MRTFB: variants seen among roughly 807,000 people sequenced by gnomAD.
MRTFB encodes the protein myocardin-related transcription factor B.
A neutral mutation model predicts 104.2 loss-of-function variants in MRTFB; 29 were observed. That is an observed-to-expected ratio of 0.28 (90% confidence interval 0.21 to 0.38). The LOEUF (loss-of-function observed/expected upper bound fraction) is 0.38, where lower values mean the gene tolerates loss of function less well. Among genes scored for constraint, MRTFB ranks in the 10% least tolerant of loss-of-function variants. The probability of loss-of-function intolerance (pLI) is 1.00; values close to 1 mark genes in which losing one functional copy is unlikely to be tolerated. For synonymous variants in MRTFB, 535 were observed against 519.5 expected (o/e 1.03, Z -0.41); for missense variants, 1,270 against 1,341.6 (o/e 0.95, Z 0.83).
intron 3 of MRTFB, among the ~76,000 whole-genome samples, chr16:14,180,459 A>C (rs1375138132): frequency 6.6e-6 from 1 of 152,232 alleles, no homozygotes; most frequent in Non-Finnish European, 1.5e-5. Flanking sequence ...TTAGAAATGG[A>C]GACAGGACTT....
intron 10 of MRTFB, among the ~76,000 whole-genome samples, chr16:14,243,316 G>A (rs2042859668): frequency 6.6e-6 from 1 of 152,228 alleles, no homozygotes; most frequent in African/African-American, 2.4e-5. Flanking sequence ...TAGTGACAAA[G>A]CCAGCATTGG....
chr16:14,104,425 A>C (rs370806576), intron 2 of MRTFB, among the ~76,000 whole-genome samples: 1 of 152,230 alleles, frequency 6.6e-6, no homozygotes, highest in South Asian at 2.1e-4. Context: ...TTTACAAGGA[A>C]GCTTATCCAG....
the MRTFB span, among the ~76,000 whole-genome samples, chr16:14,015,547 G>A: frequency 6.6e-6 from 1 of 152,114 alleles, no homozygotes; most frequent in African/African-American, 2.4e-5. Context: ...ATTCCTAGCC[G>A]AATCCTGAAA....
At chr16:14,007,358 CCTTCA>C in the MRTFB span, among the ~76,000 whole-genome samples, 1 of 152,200 alleles carries the variant, frequency 6.6e-6, no homozygotes, top group Non-Finnish European at 1.5e-5. Flanking sequence ...AATCTGACTT[CCTTCA>C]CTTAACATCA....
intron 3 of MRTFB, among the ~76,000 whole-genome samples, chr16:14,159,638 T>A (rs1597110703): frequency 6.6e-6 from 1 of 152,130 alleles, no homozygotes; most frequent in African/African-American, 2.4e-5. Context: ...TAACTTTATT[T>A]AAGAATCATG....
the MRTFB span, among the ~76,000 whole-genome samples, chr16:14,002,936 A>G: frequency 3.9e-5 from 6 of 152,258 alleles, 1 homozygote; most frequent in South Asian, 1.0e-3. Flanking sequence ...TCTGGGAGAA[A>G]GATGGAGAAC....
intron 15 of MRTFB, 95 bp downstream of exon 15, chr16:14,252,597 G>T: frequency 7.3e-7 from 1 of 1,376,312 alleles, no homozygotes; most frequent in Non-Finnish European, 9.6e-7. Context: ...GTCTGAAACT[G>T]ACTTGCCTCA....
chr16:14,042,972 T>G, the MRTFB span, among the ~76,000 whole-genome samples: 2 of 152,178 alleles, frequency 1.3e-5, no homozygotes, highest in Admixed American at 6.5e-5. Context: ...TCCAAGCTCT[T>G]GAGGCCTCCT....
chr16:14,012,711 G>C, the MRTFB span, among the ~76,000 whole-genome samples: 1 of 152,128 alleles, frequency 6.6e-6, no homozygotes. Flanking sequence ...GTTAAGCAAT[G>C]TATGAACGTT....
the MRTFB span, among the ~76,000 whole-genome samples, chr16:14,022,925 G>A: frequency 3.3e-5 from 5 of 151,802 alleles, no homozygotes; most frequent in Admixed American, 1.3e-4. Flanking sequence ...TCAAACTCCC[G>A]ACCTCAAGTG....
Position 14,253,297 on chromosome 16 carries a change from G to C in MRTFB, c.2703+795G>C, listed in dbSNP as rs79289078. Among the ~76,000 whole-genome samples, 673 of 152,290 alleles carry C rather than the reference G, an allele frequency of 4.4e-3. 4 individuals carry two copies. The highest frequency in any genetic ancestry group is 0.012 in the African/African-American group (506 of 41,560). ...AGGGAAGAACCCCAGCCTCATAGAG[G>C]ATTCAAGGAGTGGCCCTGACACCGC... On this transcript the variant is annotated intron_variant, in intron 15 of 16. Coordinates refer to ENST00000571589, the MANE Select transcript of MRTFB (RefSeq NM_001308142.2).
chr16:14,095,518 C>A (rs1250711878), intron 2 of MRTFB, among the ~76,000 whole-genome samples: 3 of 152,184 alleles, frequency 2.0e-5, no homozygotes, highest in African/African-American at 7.2e-5. Flanking sequence ...AGCCATGGAA[C>A]AATATCTTCC....
intron 2 of MRTFB, among the ~76,000 whole-genome samples, chr16:14,133,113 A>G (rs2037523841): frequency 6.6e-6 from 1 of 152,232 alleles, no homozygotes; most frequent in African/African-American, 2.4e-5. Context: ...GAGTCTTTTC[A>G]ATTTTTACTC....
chr16:14,244,655 G>A (rs548341392), intron 10 of MRTFB, among the ~76,000 whole-genome samples: 2 of 152,242 alleles, frequency 1.3e-5, no homozygotes, highest in South Asian at 4.2e-4. Flanking sequence ...ACCTAATGAG[G>A]TTGAATCATC....
intron 3 of MRTFB, among the ~76,000 whole-genome samples, chr16:14,191,045 C>G (rs2040158539): frequency 6.6e-6 from 1 of 152,130 alleles, no homozygotes. Context: ...AATAATCCAA[C>G]CTGGAAATAC....
At chr16:14,113,090 C>T (rs1267288150) in intron 2 of MRTFB, among the ~76,000 whole-genome samples, 2 of 152,232 alleles carry the variant, frequency 1.3e-5, no homozygotes, top group African/African-American at 4.8e-5. Context: ...GTTGCCTAGG[C>T]TGGAGTGCAA....
chr16:14,041,304 T>G, the MRTFB span, among the ~76,000 whole-genome samples: 3 of 152,260 alleles, frequency 2.0e-5, no homozygotes, highest in African/African-American at 7.2e-5. Flanking sequence ...TTTTTCATCT[T>G]GCAAAACTGA....
chr16:14,192,968 G>C lies in MRTFB; in HGVS notation c.155-17275G>C, dbSNP rs535429919. On this transcript the variant is annotated intron_variant, in intron 3 of 16. Transcript: ENST00000571589. ...CGCCAAAGCTGCCAATTCTACCTCA[G>C]AAATATTTCATCTGTCCACAGCACT... Among the ~76,000 whole-genome samples, 5 of 152,144 alleles carry C rather than the reference G, an allele frequency of 3.3e-5. No individual in the cohort carries two copies. The South Asian group carries it at 1.0e-3, about 32-fold the overall frequency.
chr16:14,075,895 C>G (rs1280675573), intron 1 of MRTFB, among the ~76,000 whole-genome samples: 1 of 152,134 alleles, frequency 6.6e-6, no homozygotes, highest in Non-Finnish European at 1.5e-5. Flanking sequence ...TTAACATTTA[C>G]AAATTGTTTT....
Sources: allele counts gnomAD v4.1 joint callset (sites outside exome capture counted in the v4.1 genomes callset), GRCh38; gene constraint gnomAD v4.1.1; transcripts MANE v1.5; gene names NCBI Gene and HGNC (gene_info 2026-07-23, HGNC 2026-07-21).